The following BCAR3 variants were observed in gnomAD, a reference collection of about 807,000 sequenced individuals.
BCAR3 encodes BCAR3 adaptor protein, NSP family member, also known as breast cancer anti-estrogen resistance protein 3.
A neutral mutation model predicts 80.1 loss-of-function variants in BCAR3; 37 were observed. That is an observed-to-expected ratio of 0.46 (90% confidence interval 0.36 to 0.61). The LOEUF is 0.61. Among genes scored for constraint, BCAR3 ranks in the 20% least tolerant of loss-of-function variants. The pLI is 0.00. For synonymous variants in BCAR3, 389 were observed against 418.9 expected (o/e 0.93, Z 0.87); for missense variants, 978 against 1,068.2 (o/e 0.92, Z 1.18).
Position 93,661,855 on chromosome 1 carries a change from C to A in BCAR3, c.317+12759G>T, listed in dbSNP as rs899250558. Among the ~76,000 whole-genome samples the A allele has an allele frequency of 4.3e-4, 66 of 152,288 alleles. 1 individual carries two copies. The highest frequency in any genetic ancestry group is 4.0e-3 in the Admixed American group (61 of 15,298). ...TGCGCTTAAATATTTTTGTTTCATC[C>A]CCTTGCAAAATAAATGAGAAGAGAT... On this transcript the variant is annotated intron_variant, in intron 2 of 11. Transcript: ENST00000260502.
intron 2 of BCAR3, among the ~76,000 whole-genome samples, chr1:93,729,344 A>G (rs1030887265): frequency 5.9e-5 from 9 of 152,152 alleles, no homozygotes; most frequent in Non-Finnish European, 1.3e-4. Flanking sequence ...CCTATTTTAT[A>G]ATAAAGTGTT....
intron 3 of BCAR3, among the ~76,000 whole-genome samples, chr1:93,702,117 G>A (rs912128517): frequency 1.3e-5 from 2 of 152,126 alleles, no homozygotes; most frequent in African/African-American, 2.4e-5. Context: ...TCTCACGGGG[G>A]AAAGTCTCAG....
chr1:93,694,649 C>T (rs1471310380), intron 3 of BCAR3, among the ~76,000 whole-genome samples: 1 of 152,192 alleles, frequency 6.6e-6, no homozygotes, highest in Non-Finnish European at 1.5e-5. Flanking sequence ...ACCTGATCAT[C>T]AGAATCATGC....
chr1:93,571,455 G>T (rs1007345947), intron 9 of BCAR3: 2 of 516,154 alleles, frequency 3.9e-6, no homozygotes, highest in Non-Finnish European at 6.9e-6. Context: ...CTGAGATTGT[G>T]CCACTGCTAG....
chr1:93,779,241 G>T (rs1021188914), intron 2 of BCAR3, among the ~76,000 whole-genome samples: 4 of 152,224 alleles, frequency 2.6e-5, no homozygotes, highest in African/African-American at 9.6e-5. Context: ...CTAATTGAAA[G>T]ATGCCATTCC....
Position 93,592,548 on chromosome 1 carries a change from T to G in BCAR3, c.358-155A>C. On this transcript the variant is annotated intron_variant, in intron 3 of 11. Coordinates refer to ENST00000260502, the MANE Select transcript of BCAR3 (RefSeq NM_003567.4). This position sits in a 1 kb window ranked among gnomAD's most constrained non-coding sequence, Gnocchi z 4.8. ...ATAATGATTACAAAGAGCTGTGACC[T>G]TTCGTTTCTCCGGCCGCAACCATGT... is the stretch of plus-strand genomic sequence containing the variant. 1.9e-6 allele frequency: 2 copies of G among 1,068,476 alleles called. No individual in the cohort carries two copies. Among genetic ancestry groups the G allele is most frequent in the Non-Finnish European group, 2.6e-6 (2 of 767,950 alleles). The allele number at this position is 1,068,476 out of a possible 1,614,324, so 66.2% of individuals were successfully genotyped here.
At position 93,781,979 on chromosome 1, in the gene BCAR3, T is replaced by C. The variant is rs564693436; in HGVS notation, c.-63+63588A>G. ...AACAGGAGCTGCTGGAACCAAAAGG[T>C]GGGTTTTGCCCAAAGCCCTTACTGA... is the stretch of plus-strand genomic sequence containing the variant. On this transcript the variant is annotated intron_variant, in intron 2 of 13. Transcript: ENST00000370244. 2.6e-5 allele frequency among the ~76,000 whole-genome samples: 4 copies of C among 152,182 alleles called. No homozygotes were observed. The East Asian group carries it at 7.7e-4, about 29-fold the overall frequency.
Position 93,562,270 on chromosome 1 carries a change from G to C in BCAR3, c.2449C>G (p.Pro817Ala), listed in dbSNP as rs547841302. 4.3e-6 allele frequency: 7 copies of C among 1,613,990 alleles called. No homozygotes were observed. In the African/African-American group the frequency reaches 8.0e-5, roughly 18 times the overall value. ...ILTALSRKLE[P>A]PPVKQAEL Reference sequence around the variant, plus strand: ...AGCTCTGCCTGCTTTACAGGAGGAGGTTCCAATTTACGCGAGAGGGCAGTT... The same window carrying C: ...AGCTCTGCCTGCTTTACAGGAGGAGCTTCCAATTTACGCGAGAGGGCAGTT... Residue 817 changes from proline to alanine, a missense_variant, in exon 12 of 12, where the codon CCT becomes GCT. By Grantham distance (27) the Pro-to-Ala change is conservative. Transcript: ENST00000260502.
At chr1:93,764,297 G>A (rs1652062902) in intron 2 of BCAR3, among the ~76,000 whole-genome samples, 1 of 151,924 alleles carries the variant, frequency 6.6e-6, no homozygotes, top group Admixed American at 6.6e-5. Context: ...CTGGAATATG[G>A]ATGTCCCATA....
At chr1:93,643,658 G>C (rs1187978932) in intron 2 of BCAR3, among the ~76,000 whole-genome samples, 1 of 151,454 alleles carries the variant, frequency 6.6e-6, no homozygotes, top group Non-Finnish European at 1.5e-5. Flanking sequence ...GGGAGATGTA[G>C]GTCAAAGGAT....
At position 93,586,141 on chromosome 1, in the gene BCAR3, ATTCT is replaced by A. The variant is rs1391258618; in HGVS notation, c.930-2024_930-2021del. 6.6e-6 allele frequency among the ~76,000 whole-genome samples: 1 copy of A among 151,924 alleles called. No individual in the cohort carries two copies. Among genetic ancestry groups the A allele is most frequent in the Non-Finnish European group, 1.5e-5 (1 of 67,990 alleles). On this transcript the variant is annotated intron_variant, in intron 5 of 11. Transcript: ENST00000260502. This position sits in a 1 kb window ranked among gnomAD's most constrained non-coding sequence, Gnocchi z 4.2. ...TTGTGTTATCAAATAAGTCTTATTC[ATTCT>A]TTCTAAATTTTTTGTACCCATTAAC...
At chr1:93,750,468 T>G (rs1204816016) in intron 2 of BCAR3, among the ~76,000 whole-genome samples, 3 of 152,262 alleles carry the variant, frequency 2.0e-5, no homozygotes, top group African/African-American at 4.8e-5. Context: ...CTATAGTCAC[T>G]ATGACGGTTT....
intron 2 of BCAR3, among the ~76,000 whole-genome samples, chr1:93,758,905 T>C (rs1321390399): frequency 6.6e-6 from 1 of 152,212 alleles, no homozygotes; most frequent in Non-Finnish European, 1.5e-5. Flanking sequence ...TGAACCTTTC[T>C]CAGGCCATCA....
intron 2 of BCAR3, among the ~76,000 whole-genome samples, chr1:93,777,991 C>T (rs941441507): frequency 6.6e-5 from 10 of 152,158 alleles, no homozygotes; most frequent in African/African-American, 2.4e-4. Context: ...TATTCTTATT[C>T]ATATTAACAT....
At chr1:93,627,435 G>A (rs1482678865) in intron 3 of BCAR3, among the ~76,000 whole-genome samples, 4 of 152,186 alleles carry the variant, frequency 2.6e-5, no homozygotes, top group Non-Finnish European at 5.9e-5. Flanking sequence ...ATGATCTGAA[G>A]AGGCTATTAA....
intron 3 of BCAR3, among the ~76,000 whole-genome samples, chr1:93,640,290 T>G (rs1270420106): frequency 1.3e-5 from 2 of 152,208 alleles, no homozygotes. Context: ...CTTGGACCTT[T>G]ACGTCAGAGA....
At chr1:93,746,798 AC>A (rs768230239) in intron 2 of BCAR3, among the ~76,000 whole-genome samples, 11 of 151,652 alleles carry the variant, frequency 7.3e-5, no homozygotes, top group Non-Finnish European at 1.3e-4. Flanking sequence ...TCTGGCTTTT[AC>A]CCCCACTTGC....
chr1:93,582,042 C>T (rs531770668), intron 7 of BCAR3, among the ~76,000 whole-genome samples: 17 of 152,332 alleles, frequency 1.1e-4, no homozygotes, highest in Middle Eastern at 3.4e-3. Flanking sequence ...AGCCTGCCAT[C>T]CCTCTGTCTG....
At chr1:93,600,708 C>T (rs1674595353) in intron 3 of BCAR3, 2 of 152,248 alleles carry the variant, frequency 1.3e-5, no homozygotes, top group Non-Finnish European at 1.5e-5. Context: ...TCCCTCATGT[C>T]CTGCCTCCAT....
Sources: allele counts gnomAD v4.1 joint callset (sites outside exome capture counted in the v4.1 genomes callset), GRCh38; gene constraint gnomAD v4.1.1; non-coding constraint Gnocchi (gnomAD v3.1); transcripts MANE v1.5; gene names NCBI Gene and HGNC (gene_info 2026-07-23, HGNC 2026-07-21).